Variants in METTL27 observed in about 807,000 individuals in gnomAD.
The protein encoded by METTL27 is methyltransferase like 27.
Under a neutral mutation model 24.5 loss-of-function variants are expected in METTL27, and 29 were observed. The observed-to-expected ratio is 1.18, with a 90% CI of 0.88 to 1.61. The LOEUF (loss-of-function observed/expected upper bound fraction) is 1.61. Ranked by LOEUF, METTL27 falls within the 40% of genes most tolerant of loss-of-function variation. METTL27 has a pLI of 0.00. For synonymous variants in METTL27, 138 were observed against 146.8 expected (o/e 0.94, Z 0.43); for missense variants, 341 against 324.3 (o/e 1.05, Z -0.40).
chr7:73,840,599 G>T (rs1554636237), intron 3 of METTL27, 50 bp from the exon 4 acceptor site: 1 of 1,527,486 alleles, frequency 6.5e-7, no homozygotes, highest in East Asian at 2.3e-5. Flanking sequence ...GCCACTTCCC[G>T]GCTGGGTCCC....
intron 1 of METTL27, 100 bp from the exon 2 acceptor site, chr7:73,842,244 C>T: frequency 6.7e-7 from 1 of 1,488,614 alleles, no homozygotes. Context: ...TGCCAGGCCT[C>T]CTGCCAGCGC....
Position 73,834,975 on chromosome 7 carries a change from G to T in METTL27, c.506C>A (p.Thr169Asn). 3 of 1,612,818 alleles carry T rather than the reference G, an allele frequency of 1.9e-6. No individual in the cohort carries two copies. In the South Asian group the frequency reaches 3.3e-5, roughly 18 times the overall value. ...CTTGTATTGAAGGTTGGACGAGTTG[G>T]TCCTGGTGGTCAGACACACCAGCCC... ...PGGLVCLTTRTNSSNLQYKEA... is the reference protein window; with the variant it reads ...PGGLVCLTTRNNSSNLQYKEA... The change falls in exon 6 of 6, where the codon ACC (threonine) becomes AAC (asparagine). Residue 169 changes from threonine to asparagine, a missense_variant. Physicochemically the swap from Thr to Asn is moderately conservative, Grantham distance 65. Transcript: ENST00000297873.
chr7:73,840,160 C>A, intron 4 of METTL27, 40 bp from the exon 5 acceptor site: 1 of 1,569,964 alleles, frequency 6.4e-7, no homozygotes, highest in South Asian at 1.2e-5. Context: ...TGGTGTGATG[C>A]TTGGAAGGTA....
chr7:73,836,093 C>T (rs1157887569), intron 5 of METTL27, among the ~76,000 whole-genome samples: 4 of 151,344 alleles, frequency 2.6e-5, no homozygotes, highest in South Asian at 4.2e-4. Flanking sequence ...GGGGGGTCAG[C>T]CCCCCGCCCC....
At chr7:73,837,308 T>A (rs3923279) in intron 5 of METTL27, among the ~76,000 whole-genome samples, 84,958 of 131,454 alleles carry the variant, frequency 0.65, 27,837 homozygotes, top group Non-Finnish European at 0.74. Context: ...TAAATAAATT[T>A]AAAAAAAATA....
At chr7:73,839,677 CA>C (rs1788296108) in intron 5 of METTL27, 2 of 231,782 alleles carry the variant, frequency 8.6e-6, no homozygotes, top group African/African-American at 4.5e-5. Context: ...GGGTCAGGAC[CA>C]AAGCAAAAAC....
intron 5 of METTL27, among the ~76,000 whole-genome samples, chr7:73,836,077 G>T (rs1200335087): frequency 9.5e-4 from 144 of 151,902 alleles, no homozygotes; most frequent in African/African-American, 3.3e-3. Flanking sequence ...ATCCGGGAGG[G>T]AGGTGGGGGG....
intron 5 of METTL27, among the ~76,000 whole-genome samples, chr7:73,836,335 GC>G (rs1788194849): frequency 7.3e-6 from 1 of 137,110 alleles, no homozygotes; most frequent in Non-Finnish European, 1.6e-5. Context: ...GGGCGCCTCT[GC>G]CCGGCCGCCC....
chr7:73,839,864 T>C (rs1788299959), intron 5 of METTL27, 167 bp downstream of exon 5: 2 of 585,026 alleles, frequency 3.4e-6, no homozygotes, highest in African/African-American at 3.8e-5. Context: ...CCTGTTTGCC[T>C]GGGTCTGCTG....
At position 73,840,137 on chromosome 7, in the gene METTL27, G is replaced by GTA; in HGVS notation, c.389-18_389-17insTA. The GTA allele has an allele frequency of 6.8e-7, 1 of 1,470,750 alleles. No homozygotes were observed. 91.1% of individuals were successfully genotyped at this position (1,470,750 alleles called of 1,614,324 possible). ...CGAAGGTCCCTGTGTGTGTGTGGGGGGGGGTGGGGACATGGTGTGATGCTT... is the reference window on the plus strand; with the variant it reads ...CGAAGGTCCCTGTGTGTGTGTGGGGGTAGGGGTGGGGACATGGTGTGATGCTT... On this transcript the variant is annotated splice_polypyrimidine_tract_variant and intron_variant, in intron 4 of 5. Transcript: ENST00000297873.
chr7:73,838,637 T>A (rs1307684919), intron 5 of METTL27, among the ~76,000 whole-genome samples: 2 of 152,186 alleles, frequency 1.3e-5, no homozygotes, highest in African/African-American at 4.8e-5. Context: ...GCTGAAGGGC[T>A]TAGCAAGCAC....
At position 73,840,119 on chromosome 7, in the gene METTL27, C is replaced by A; in HGVS notation, c.390G>T (p.Gly130=). The A allele has an allele frequency of 2.5e-6, 4 of 1,575,678 alleles. No homozygotes were observed. Among genetic ancestry groups the A allele is most frequent in the South Asian group, 1.2e-5 (1 of 86,450 alleles). Residue 130 remains glycine, a splice_region_variant and synonymous_variant, in exon 5 of 6, where the codon GGG becomes GGT. Transcript: ENST00000297873. ...CGACTATCAGCACCGCGTCGAAGGT[C>A]CCTGTGTGTGTGTGGGGGGGGGTGG... is the stretch of plus-strand genomic sequence containing the variant. The part of the protein sequence containing the change: ...LGQEPLPSPE[G]TFDAVLIVGA...
intron 4 of METTL27, 144 bp from the exon 5 acceptor site, chr7:73,840,264 G>T: frequency 2.7e-6 from 4 of 1,460,782 alleles, no homozygotes; most frequent in Non-Finnish European, 3.7e-6. Flanking sequence ...GATAAGGTAA[G>T]TATGGCCCAG....
intron 5 of METTL27, among the ~76,000 whole-genome samples, chr7:73,836,444 G>T (rs1788199541): frequency 6.9e-6 from 1 of 144,114 alleles, no homozygotes; most frequent in Non-Finnish European, 1.5e-5. Flanking sequence ...CCCCGTCCGG[G>T]AGGTGAGGGG....
Position 73,834,941 on chromosome 7 carries a change from C to T in METTL27, c.540G>A (p.Leu180=). 6.2e-7 allele frequency: 1 copy of T among 1,613,964 alleles called. No individual in the cohort carries two copies. The highest frequency in any genetic ancestry group is 8.5e-7 in the Non-Finnish European group (1 of 1,179,986). ...NSSNLQYKEA[L]EATLDRLEQA... ...GCTCCAGCCTGTCCAGGGTGGCCTC[C>T]AGAGCCTCCTTGTATTGAAGGTTGG... Residue 180 remains leucine, a synonymous_variant, in exon 6 of 6, where the codon CTG becomes CTA. Transcript: ENST00000297873.
At chr7:73,840,657 T>G in intron 3 of METTL27, 108 bp from the exon 4 acceptor site, 2 of 1,436,064 alleles carry the variant, frequency 1.4e-6, no homozygotes, top group Non-Finnish European at 1.8e-6. Context: ...GGCCCATGCA[T>G]TTGCTTTTTT....
At position 73,840,040 on chromosome 7, in the gene METTL27, T is replaced by C. The variant is rs1554635986; in HGVS notation, c.469A>G (p.Thr157Ala). The C allele has an allele frequency of 2.5e-6, 4 of 1,608,484 alleles. No individual in the cohort carries two copies. The highest frequency in any genetic ancestry group is 3.4e-6 in the Non-Finnish European group (4 of 1,178,090). The change falls in exon 5 of 6, where the codon ACC (threonine) becomes GCC (alanine). Residue 157 changes from threonine (T) to alanine (A), a missense_variant. Thr to Ala is a moderately conservative substitution (Grantham distance 58, BLOSUM62 0). Coordinates refer to ENST00000297873, the MANE Select transcript of METTL27 (RefSeq NM_152559.3). ...PCNAIPELHV[T>A]KPGGLVCLTT... ...CTGGGCTGCTCCTCACCTGGCTTGGTGACATGTAGCTCAGGTATCGCATTG... is the reference window on the plus strand; with the variant it reads ...CTGGGCTGCTCCTCACCTGGCTTGGCGACATGTAGCTCAGGTATCGCATTG...
intron 1 of METTL27, among the ~76,000 whole-genome samples, 159 bp from the exon 2 acceptor site, chr7:73,842,303 G>A (rs1162533608): frequency 1.3e-5 from 2 of 152,140 alleles, no homozygotes; most frequent in Non-Finnish European, 2.9e-5. Context: ...AGCGCAGAGA[G>A]GGCGGGCTTG....
Position 73,840,418 on chromosome 7 carries a change from C to G in METTL27, c.384G>C (p.Pro128=), listed in dbSNP as rs185546989. 6.3e-7 allele frequency: 1 copy of G among 1,575,612 alleles called. No individual in the cohort carries two copies. The highest frequency in any genetic ancestry group is 8.6e-7 in the Non-Finnish European group (1 of 1,161,066). ...CTLGQEPLPS[P]EGTFDAVLIV... is the part of the protein sequence containing the mutation. ...TGGAGGTGGGAGAGAAAGTACCTTCCGGGCTGGGCAGAGGCTCCTGGCCCA... is the reference window on the plus strand; with the variant it reads ...TGGAGGTGGGAGAGAAAGTACCTTCGGGGCTGGGCAGAGGCTCCTGGCCCA... Residue 128 remains proline (P), a synonymous_variant, in exon 4 of 6, where the codon CCG becomes CCC. Coordinates refer to ENST00000297873, the MANE Select transcript of METTL27 (RefSeq NM_152559.3).
Sources: allele counts gnomAD v4.1 joint callset (sites outside exome capture counted in the v4.1 genomes callset), GRCh38; gene constraint gnomAD v4.1.1; transcripts MANE v1.5; gene names NCBI Gene and HGNC (gene_info 2026-07-23, HGNC 2026-07-21).